ADGRG7: variants seen among roughly 807,000 people sequenced by gnomAD.
The protein encoded by ADGRG7 is G-protein coupled receptor 128.
A neutral mutation model predicts 88.6 loss-of-function variants in ADGRG7; 82 were observed. The ratio of observed to expected loss-of-function variants is 0.93; its 90% CI spans 0.77 to 1.11. The LOEUF (loss-of-function observed/expected upper bound fraction) is 1.11. Among genes scored for constraint, ADGRG7 ranks in the 50% most tolerant of loss-of-function variants. ADGRG7 has a pLI of 0.00. For missense variants in ADGRG7, 945 were observed against 953.4 expected (o/e 0.99, Z 0.12); for synonymous variants, 381 against 345.2 (o/e 1.10, Z -1.15).
intron 6 of ADGRG7, among the ~76,000 whole-genome samples, chr3:100,642,838 C>T (rs1454056770): frequency 6.6e-6 from 1 of 152,150 alleles, no homozygotes; most frequent in Non-Finnish European, 1.5e-5. Flanking sequence ...ACAAAACATG[C>T]TTTGGATCCT....
rs186012410 is a variant in ADGRG7, at chr3:100,616,721, T to C, written c.115+6750T>C. On this transcript the variant is annotated intron_variant, in intron 1 of 15. Coordinates refer to ENST00000273352, the MANE Select transcript of ADGRG7 (RefSeq NM_032787.3). ...CTGTAGTCTCAGCTACTGGGGAGAC[T>C]GTGGCAGAAGGATCCCTTGAGCCCA... Among the ~76,000 whole-genome samples, 701 of 152,278 alleles carry C rather than the reference T, an allele frequency of 4.6e-3. 1 individual carries two copies. Among genetic ancestry groups the C allele is most frequent in the Non-Finnish European group, 7.9e-3 (537 of 68,026 alleles).
At chr3:100,648,178 T>C (rs1266690735) in intron 10 of ADGRG7, among the ~76,000 whole-genome samples, 3 of 152,186 alleles carry the variant, frequency 2.0e-5, no homozygotes, top group Non-Finnish European at 2.9e-5. Context: ...TTATTATAGT[T>C]ATCTTTTCCC....
intron 1 of ADGRG7, among the ~76,000 whole-genome samples, chr3:100,613,774 C>G (rs1377145949): frequency 6.6e-6 from 1 of 152,052 alleles, no homozygotes; most frequent in Non-Finnish European, 1.5e-5. Context: ...TGGATACTTG[C>G]TGTTCTTTGA....
rs138664702 is a variant in ADGRG7, at chr3:100,627,544, G to C, written c.116-2054G>C. Among the ~76,000 whole-genome samples the C allele has an allele frequency of 3.5e-3, 537 of 152,152 alleles. 5 individuals carry two copies. The highest frequency in any genetic ancestry group is 5.3e-3 in the Non-Finnish European group (362 of 67,974). ...AACTTTATTTTCTTGTAATGTCTTT[G>C]TCAGATTTTGGTATAAGGGTTATGC... On this transcript the variant is annotated intron_variant, in intron 1 of 15. Transcript: ENST00000273352.
At chr3:100,630,527 T>G (rs1707445601) in intron 2 of ADGRG7, among the ~76,000 whole-genome samples, 178 bp from the exon 3 acceptor site, 1 of 152,214 alleles carries the variant, frequency 6.6e-6, no homozygotes, top group Non-Finnish European at 1.5e-5. Context: ...CTAGTTATTC[T>G]AACGGCAATG....
At chr3:100,666,559 C>T (rs532599090) in intron 14 of ADGRG7, among the ~76,000 whole-genome samples, 19 of 152,230 alleles carry the variant, frequency 1.2e-4, no homozygotes, top group East Asian at 3.9e-4. Context: ...GTAGATGGAC[C>T]GTACAATCGG....
intron 8 of ADGRG7, among the ~76,000 whole-genome samples, chr3:100,643,929 T>C (rs542064393): frequency 6.6e-6 from 1 of 152,350 alleles, no homozygotes; most frequent in South Asian, 2.1e-4. Context: ...GGTGGTTCTG[T>C]TTTACACTTA....
intron 4 of ADGRG7, among the ~76,000 whole-genome samples, chr3:100,633,608 T>A (rs560389373): frequency 1.3e-5 from 2 of 152,272 alleles, no homozygotes; most frequent in Non-Finnish European, 2.9e-5. Flanking sequence ...CACTGTAACC[T>A]CTGCCTCCCA....
intron 15 of ADGRG7, among the ~76,000 whole-genome samples, chr3:100,692,917 C>G (rs754109790): frequency 4.6e-5 from 7 of 152,256 alleles, no homozygotes; most frequent in South Asian, 2.1e-4. Context: ...TCTATGTACA[C>G]TAAAGTGTAG....
At chr3:100,663,983 A>T (rs2094948718) in intron 14 of ADGRG7, among the ~76,000 whole-genome samples, 1 of 152,050 alleles carries the variant, frequency 6.6e-6, no homozygotes, top group Non-Finnish European at 1.5e-5. Flanking sequence ...CTATGGCCAA[A>T]GTTTTAAGTT....
intron 1 of ADGRG7, 65 bp downstream of exon 1, chr3:100,610,036 C>T (rs1707124726): frequency 7.6e-7 from 1 of 1,308,246 alleles, no homozygotes; most frequent in African/African-American, 1.5e-5. Context: ...TCCCTGCCAC[C>T]TGGTGCACAA....
chr3:100,664,894 C>T (rs2094949876), intron 14 of ADGRG7, among the ~76,000 whole-genome samples: 1 of 152,160 alleles, frequency 6.6e-6, no homozygotes, highest in Non-Finnish European at 1.5e-5. Context: ...AAGATGATTT[C>T]ATCTTTGATC....
intron 15 of ADGRG7, among the ~76,000 whole-genome samples, chr3:100,670,302 A>G (rs2094956817): frequency 6.6e-6 from 1 of 151,940 alleles, no homozygotes; most frequent in South Asian, 2.1e-4. Flanking sequence ...TAACATAATG[A>G]CCTCCAGTTC....
At chr3:100,613,014 C>T (rs60579395) in intron 1 of ADGRG7, among the ~76,000 whole-genome samples, 4 of 152,238 alleles carry the variant, frequency 2.6e-5, no homozygotes, top group South Asian at 4.1e-4. Flanking sequence ...CTCAGCCTCC[C>T]GAGTAGCTGG....
intron 1 of ADGRG7, among the ~76,000 whole-genome samples, chr3:100,617,024 G>A (rs1032894187): frequency 8.5e-5 from 13 of 152,128 alleles, no homozygotes; most frequent in African/African-American, 2.6e-4. Context: ...AGAAAATATG[G>A]GAGAAGCAAC....
intron 15 of ADGRG7, among the ~76,000 whole-genome samples, chr3:100,677,491 T>G (rs1014233753): frequency 1.3e-5 from 2 of 152,154 alleles, no homozygotes; most frequent in African/African-American, 2.4e-5. Context: ...CAGTATAATG[T>G]TAGAGTATTC....
At chr3:100,648,361 C>T (rs1233586127) in intron 10 of ADGRG7, among the ~76,000 whole-genome samples, 2 of 152,014 alleles carry the variant, frequency 1.3e-5, no homozygotes, top group East Asian at 3.9e-4. Context: ...TTTTTAAAAT[C>T]TGAAGACCTA....
chr3:100,669,799 G>T (rs2094956214), intron 15 of ADGRG7, among the ~76,000 whole-genome samples: 1 of 152,088 alleles, frequency 6.6e-6, no homozygotes, highest in Non-Finnish European at 1.5e-5. Flanking sequence ...ACTTTGGGAG[G>T]CTGAGACAGG....
chr3:100,650,150 A>T (rs1022314784), intron 11 of ADGRG7, among the ~76,000 whole-genome samples: 2 of 152,244 alleles, frequency 1.3e-5, no homozygotes, highest in African/African-American at 2.4e-5. Flanking sequence ...GACATTGCAA[A>T]CAGCAATTTT....
Sources: gnomAD v4.1 joint callset for allele counts (sites outside exome capture counted in the v4.1 genomes callset) on GRCh38, gnomAD v4.1.1 for gene constraint, MANE v1.5 for transcripts, NCBI Gene and HGNC (gene_info 2026-07-23, HGNC 2026-07-21) for gene names.